Variants in MTHFD1 observed in about 807,000 individuals in gnomAD.
MTHFD1 encodes C-1-tetrahydrofolate synthase, cytoplasmic.
In MTHFD1, 44 loss-of-function variants were observed where a neutral mutation model predicts 110.3. That is an observed-to-expected ratio of 0.40 (90% CI 0.31 to 0.51). The LOEUF is 0.51. MTHFD1 is among the 20% of genes least tolerant of loss of function. The pLI is 0.60. For missense variants in MTHFD1, 909 were observed against 1,173.1 expected, an observed-to-expected ratio of 0.77 and a Z score of 3.29; for synonymous variants, 402 against 428.8, an observed-to-expected ratio of 0.94 and a Z score of 0.77.
chr14:64,432,843 C>A (rs1297909733), intron 15 of MTHFD1, among the ~76,000 whole-genome samples: 1 of 152,194 alleles, frequency 6.6e-6, no homozygotes. Flanking sequence ...TAGCTTCCAC[C>A]TTCCAGGTTC....
At chr14:64,440,963 G>A (rs1006540830) in intron 18 of MTHFD1, 9 of 272,568 alleles carry the variant, frequency 3.3e-5, no homozygotes, top group Middle Eastern at 1.3e-3. Context: ...AGGCTGAGGC[G>A]GGTGGATCAC....
chr14:64,436,092 T>C (rs1158380910), intron 16 of MTHFD1, among the ~76,000 whole-genome samples: 1 of 152,160 alleles, frequency 6.6e-6, no homozygotes, highest in African/African-American at 2.4e-5. Flanking sequence ...GTTCTCTAGC[T>C]TACCTAATCT....
chr14:64,443,976 T>C (rs1055798055), intron 21 of MTHFD1, among the ~76,000 whole-genome samples: 20 of 152,114 alleles, frequency 1.3e-4, no homozygotes, highest in African/African-American at 4.8e-4. Context: ...ATAGTCTCAC[T>C]GCAATGGAAG....
chr14:64,447,633 T>C (rs142041075), intron 22 of MTHFD1, among the ~76,000 whole-genome samples: 37 of 152,122 alleles, frequency 2.4e-4, no homozygotes, highest in African/African-American at 8.0e-4. Flanking sequence ...CTAAAGATAG[T>C]ATTTATCTTA....
intron 2 of MTHFD1, among the ~76,000 whole-genome samples, chr14:64,401,485 C>T (rs986316997): frequency 6.6e-6 from 1 of 152,098 alleles, no homozygotes; most frequent in African/African-American, 2.4e-5. Flanking sequence ...GGCAGATCAC[C>T]TGAGGTCAGG....
At chr14:64,428,060 C>A (rs2078130980) in intron 12 of MTHFD1, among the ~76,000 whole-genome samples, 1 of 148,996 alleles carries the variant, frequency 6.7e-6, no homozygotes, top group Non-Finnish European at 1.5e-5. Context: ...CATACTCGCA[C>A]TTTACCTTCA....
At chr14:64,407,537 ACT>A (rs201005837) in intron 2 of MTHFD1, among the ~76,000 whole-genome samples, 2,130 of 102,810 alleles carry the variant, frequency 0.021, 116 homozygotes, top group East Asian at 0.1. Context: ...AGTATCTCTC[ACT>A]CTCTCTCTTT....
Position 64,399,457 on chromosome 14 carries a change from G to A in MTHFD1, c.42-1336G>A, listed in dbSNP as rs572609339. Among the ~76,000 whole-genome samples the A allele has an allele frequency of 1.7e-4, 26 of 152,036 alleles. No homozygotes were observed. The South Asian group carries it at 4.4e-3, about 25-fold the overall frequency. On this transcript the variant is annotated intron_variant, in intron 1 of 27. Coordinates refer to ENST00000652337, the MANE Select transcript of MTHFD1 (RefSeq NM_005956.4). ...GGGTGGATCACGAAGTCAGGAGTTC[G>A]AGACCAGCCTGACCAACATGGTGAA...
intron 2 of MTHFD1, among the ~76,000 whole-genome samples, chr14:64,408,285 CTTTT>C (rs1555336630): frequency 8.3e-6 from 1 of 121,206 alleles, no homozygotes; most frequent in Non-Finnish European, 1.6e-5. Flanking sequence ...AATCAGCATT[CTTTT>C]TTTTTTTTTT....
rs749953174 is a variant in MTHFD1, at chr14:64,388,357, T to A, written c.-71T>A. The A allele has an allele frequency of 6.2e-7, 1 of 1,614,180 alleles. No individual in the cohort carries two copies. Among genetic ancestry groups the A allele is most frequent in the South Asian group, 1.1e-5 (1 of 91,088 alleles). On this transcript the variant is annotated 5_prime_UTR_variant, in exon 1 of 28. Transcript: ENST00000652337. ...CCTAAGCACGTGGGTTGGGTTGTCC[T>A]GCTTGGCTGCGGAGGGAGTGGAACC...
chr14:64,432,003 T>C, intron 15 of MTHFD1, 142 bp downstream of exon 15: 2 of 728,986 alleles, frequency 2.7e-6, no homozygotes, highest in Non-Finnish European at 4.7e-6. Flanking sequence ...ATGATATACA[T>C]AGCAAAGATG....
intron 8 of MTHFD1, among the ~76,000 whole-genome samples, chr14:64,421,790 AT>A (rs992391203): frequency 9.9e-4 from 150 of 151,244 alleles, no homozygotes; most frequent in East Asian, 5.9e-4. Flanking sequence ...CGCCCGGCTA[AT>A]TTTTTTTGTA....
rs1402134199 is a variant in MTHFD1, at chr14:64,417,467, G to C, written c.479-421G>C. On this transcript the variant is annotated intron_variant, in intron 6 of 27. Transcript: ENST00000652337. The surrounding 1 kb of genome is among the most constrained non-coding windows in gnomAD (Gnocchi z 4.4). ...CTTACCAAAGTTAGAAGGAATTACC[G>C]ATACTAATCTAATTTCTTACACATC... Among the ~76,000 whole-genome samples, 1 of 152,198 alleles carries C rather than the reference G, an allele frequency of 6.6e-6. No individual in the cohort carries two copies. The highest frequency in any genetic ancestry group is 2.4e-5 in the African/African-American group (1 of 41,456).
intron 7 of MTHFD1, among the ~76,000 whole-genome samples, chr14:64,418,285 C>CA (rs961883898): frequency 7.3e-5 from 11 of 150,686 alleles, no homozygotes; most frequent in African/African-American, 1.9e-4. Context: ...GCTTTCTCTG[C>CA]AAAAAAAATT....
intron 22 of MTHFD1, chr14:64,445,110 T>C: frequency 5.6e-6 from 2 of 356,402 alleles, no homozygotes; most frequent in Non-Finnish European, 1.1e-5. Context: ...CATCCTTTAA[T>C]GCACAGGACA....
chr14:64,412,488 C>T lies in MTHFD1; in HGVS notation c.203C>T (p.Thr68Ile). ...KAAEEIGIKA[T>I]HIKLPRTTTE... ...GTTTTGCAGATTGGGATCAAAGCCA[C>T]TCACATTAAGTTACCAAGAACAACC... is the stretch of plus-strand genomic sequence containing the variant. Residue 68 changes from threonine to isoleucine, a missense_variant, in exon 4 of 28, where the codon ACT (threonine) becomes ATT (isoleucine). Thr to Ile is a moderately conservative substitution (Grantham distance 89). This residue lies in a region of MTHFD1 where 424 missense variants were observed against 510.4 expected (regional missense o/e 0.83). Transcript: ENST00000652337. 6.2e-7 allele frequency: 1 copy of T among 1,613,710 alleles called. No homozygotes were observed. Among genetic ancestry groups the T allele is most frequent in the East Asian group, 2.2e-5 (1 of 44,872 alleles).
At chr14:64,430,278 G>GA (rs2078147667) in intron 13 of MTHFD1, 48 bp downstream of exon 13, 2 of 1,433,868 alleles carry the variant, frequency 1.4e-6, no homozygotes, top group African/African-American at 3.9e-5. Flanking sequence ...TTTTTTTGTC[G>GA]GGGGGGAGGG....
intron 2 of MTHFD1, among the ~76,000 whole-genome samples, chr14:64,406,511 G>C (rs920233845): frequency 2.5e-5 from 1 of 39,704 alleles, no homozygotes. Context: ...TTTTTTTTTT[G>C]AGACAGGGTC....
Position 64,448,202 on chromosome 14 carries a change from CTGT to C in MTHFD1, c.2179-10_2179-8del. 6.2e-7 allele frequency: 1 copy of C among 1,601,202 alleles called. No homozygotes were observed. Among genetic ancestry groups the C allele is most frequent in the Non-Finnish European group, 8.6e-7 (1 of 1,168,354 alleles). ...ACTCTCTGATCTCATAGGCCTTTCA[CTGT>C]TGTTTTTACAGAACCTGGAGCTGGT... is the stretch of plus-strand genomic sequence containing the variant. On this transcript the variant is annotated splice_polypyrimidine_tract_variant and intron_variant, in intron 22 of 27. Transcript: ENST00000652337.
Sources: allele counts gnomAD v4.1 joint callset (sites outside exome capture counted in the v4.1 genomes callset), GRCh38; gene constraint gnomAD v4.1.1; regional missense constraint gnomAD v4.1.1; non-coding constraint Gnocchi (gnomAD v3.1); transcripts MANE v1.5; gene names NCBI Gene and HGNC (gene_info 2026-07-23, HGNC 2026-07-21).